Variants in PPP1R9A observed in about 807,000 individuals in gnomAD.
The protein encoded by PPP1R9A is neurabin-1.
PPP1R9A carries 59 observed loss-of-function variants against 141.9 expected under a neutral mutation model. That is an observed-to-expected ratio of 0.42 (90% confidence interval 0.34 to 0.52). The LOEUF (loss-of-function observed/expected upper bound fraction) is 0.52. PPP1R9A is among the 20% of genes least tolerant of loss of function. The pLI is 0.10. For missense variants in PPP1R9A, 1,444 were observed against 1,611.9 expected (o/e 0.90, Z 1.78); for synonymous variants, 500 against 569.7 (o/e 0.88, Z 1.74).
intron 2 of PPP1R9A, among the ~76,000 whole-genome samples, chr7:95,030,334 G>C (rs1807491356): frequency 6.6e-6 from 1 of 152,062 alleles, no homozygotes; most frequent in African/African-American, 2.4e-5. Context: ...TGTTATCTTA[G>C]TTCACTTTAA....
At chr7:94,991,713 G>A (rs982367995) in intron 2 of PPP1R9A, among the ~76,000 whole-genome samples, 6 of 151,936 alleles carry the variant, frequency 3.9e-5, no homozygotes, top group Admixed American at 3.9e-4. Context: ...GTGCAGTGGC[G>A]TGGTCATGGC....
At chr7:95,189,322 G>T (rs1001556167) in intron 5 of PPP1R9A, among the ~76,000 whole-genome samples, 4 of 151,696 alleles carry the variant, frequency 2.6e-5, no homozygotes, top group Non-Finnish European at 5.9e-5. Flanking sequence ...TATTTCCCAG[G>T]TGTTCTTTGA....
chr7:95,107,132 T>C (rs1038931689), intron 2 of PPP1R9A, among the ~76,000 whole-genome samples: 1 of 152,210 alleles, frequency 6.6e-6, no homozygotes, highest in South Asian at 2.1e-4. Context: ...GAATGCATAG[T>C]ATCTCCTTGT....
intron 5 of PPP1R9A, among the ~76,000 whole-genome samples, chr7:95,189,768 T>A (rs1335058062): frequency 6.6e-6 from 1 of 152,166 alleles, no homozygotes; most frequent in East Asian, 1.9e-4. Flanking sequence ...TTATTTGTCT[T>A]TTTCTGATTG....
At chr7:95,220,200 G>A (rs1035753635) in intron 7 of PPP1R9A, among the ~76,000 whole-genome samples, 4 of 152,046 alleles carry the variant, frequency 2.6e-5, no homozygotes, top group East Asian at 1.9e-4. Flanking sequence ...TTGCCGAAAG[G>A]CCTCTGGATG....
At chr7:94,934,853 C>CATACATGTATATGTACGTATACAT (rs1794592244) in intron 2 of PPP1R9A, among the ~76,000 whole-genome samples, 1 of 147,642 alleles carries the variant, frequency 6.8e-6, no homozygotes, top group Non-Finnish European at 1.5e-5. Context: ...TACATACACA[C>CATACATGTATATGTACGTATACAT]ACACACACAC....
rs973252665 is a variant in PPP1R9A at position 95,085,709 on chromosome 7, C to T, written c.1396-25550C>T. Among the ~76,000 whole-genome samples the T allele has an allele frequency of 5.3e-5, 8 of 151,898 alleles. No homozygotes were observed. The South Asian group carries it at 6.2e-4, about 12-fold the overall frequency. ...AGATTACAGGCATGAGCCACTGCACCCAGCCCAAAAATACATTGTGAATAG... is the reference window on the plus strand; with the variant it reads ...AGATTACAGGCATGAGCCACTGCACTCAGCCCAAAAATACATTGTGAATAG... On this transcript the variant is annotated intron_variant, in intron 2 of 19. Transcript: ENST00000433360.
chr7:95,075,786 G>A (rs377370385), intron 2 of PPP1R9A, among the ~76,000 whole-genome samples: 7 of 152,082 alleles, frequency 4.6e-5, no homozygotes, highest in East Asian at 3.9e-4. Context: ...GCAGTGAGCC[G>A]AGATCGCGCC....
chr7:94,937,459 T>C (rs754522972), intron 2 of PPP1R9A, among the ~76,000 whole-genome samples: 8 of 152,204 alleles, frequency 5.3e-5, no homozygotes, highest in African/African-American at 1.9e-4. Flanking sequence ...AGTCTTGGCC[T>C]GTCTTTTACA....
chr7:95,034,623 G>T (rs1358221689), intron 2 of PPP1R9A, among the ~76,000 whole-genome samples: 2 of 152,074 alleles, frequency 1.3e-5, no homozygotes, highest in Non-Finnish European at 2.9e-5. Context: ...AAAGTGCAGG[G>T]ATTACAGGCA....
intron 5 of PPP1R9A, among the ~76,000 whole-genome samples, chr7:95,184,342 G>A (rs1834313327): frequency 1.3e-5 from 2 of 152,194 alleles, no homozygotes; most frequent in South Asian, 4.1e-4. Flanking sequence ...ATTTTTTAGA[G>A]ATATATGTTT....
At chr7:95,248,939 A>G (rs974972895) in intron 9 of PPP1R9A, among the ~76,000 whole-genome samples, 3 of 152,162 alleles carry the variant, frequency 2.0e-5, no homozygotes, top group African/African-American at 4.8e-5. Context: ...GCTAAGTGCT[A>G]TATGATTTTG....
At chr7:95,047,640 C>T (rs1810209578) in intron 2 of PPP1R9A, among the ~76,000 whole-genome samples, 1 of 152,112 alleles carries the variant, frequency 6.6e-6, no homozygotes, top group South Asian at 2.1e-4. Flanking sequence ...GAAGAATTTT[C>T]TTGATTTCAC....
chr7:95,277,289 A>G (rs1585601597), intron 16 of PPP1R9A, among the ~76,000 whole-genome samples: 1 of 152,182 alleles, frequency 6.6e-6, no homozygotes, highest in East Asian at 1.9e-4. Flanking sequence ...GTGGATACAT[A>G]ATGACTCAGA....
chr7:95,152,163 GA>G (rs1828818170), intron 4 of PPP1R9A, among the ~76,000 whole-genome samples: 1 of 151,728 alleles, frequency 6.6e-6, no homozygotes, highest in African/African-American at 2.4e-5. Flanking sequence ...TGTTGGCCAG[GA>G]TGGTCTCCAT....
At chr7:95,287,482 T>A (rs549595408) in intron 18 of PPP1R9A, among the ~76,000 whole-genome samples, 43 of 152,290 alleles carry the variant, frequency 2.8e-4, no homozygotes, top group Admixed American at 1.3e-3. Flanking sequence ...GACTCCTGTC[T>A]TTCCTTCAAG....
At chr7:95,089,269 AT>A (rs1817018478) in intron 2 of PPP1R9A, among the ~76,000 whole-genome samples, 1 of 152,024 alleles carries the variant, frequency 6.6e-6, no homozygotes, top group Non-Finnish European at 1.5e-5. Context: ...CATACAATTT[AT>A]ATGTGAGGTG....
At chr7:95,114,737 A>G (rs926846749) in intron 3 of PPP1R9A, among the ~76,000 whole-genome samples, 24 of 152,116 alleles carry the variant, frequency 1.6e-4, no homozygotes, top group African/African-American at 5.6e-4. Context: ...TTTAAAAGAA[A>G]AAGTTTTATC....
intron 7 of PPP1R9A, among the ~76,000 whole-genome samples, chr7:95,221,208 A>C (rs11981429): frequency 0.071 from 10,846 of 152,158 alleles, 929 homozygotes; most frequent in African/African-American, 0.2. Flanking sequence ...CATGTGCCAG[A>C]CCTTGTGTTA....
Sources: allele counts gnomAD v4.1 joint callset (sites outside exome capture counted in the v4.1 genomes callset), GRCh38; gene constraint gnomAD v4.1.1; transcripts MANE v1.5; gene names NCBI Gene and HGNC (gene_info 2026-07-23, HGNC 2026-07-21).